The following BACH2 variants were observed in gnomAD, a reference collection of about 807,000 sequenced individuals.
BACH2 encodes BACH transcriptional regulator 2.
In BACH2, 5 loss-of-function variants were observed where a neutral mutation model predicts 61.8. The observed-to-expected ratio is 0.08, with a 90% CI of 0.04 to 0.17. BACH2 has a LOEUF of 0.17. BACH2 is among the 10% of genes least tolerant of loss of function. The probability of loss-of-function intolerance (pLI) is 1.00; values close to 1 mark genes in which losing one functional copy is unlikely to be tolerated. For missense variants in BACH2, 824 were observed against 1,091.1 expected (o/e 0.76, Z 3.45); for synonymous variants, 446 against 440.1 (o/e 1.01, Z -0.17).
chr6:90,105,685 A>G (rs970709241), intron 4 of BACH2, among the ~76,000 whole-genome samples: 2 of 152,222 alleles, frequency 1.3e-5, no homozygotes, highest in African/African-American at 2.4e-5. Context: ...ATTTAAAACT[A>G]TTTGATGTTG....
intron 2 of BACH2, among the ~76,000 whole-genome samples, chr6:90,270,770 T>C (rs1771492717): frequency 6.6e-6 from 1 of 151,854 alleles, no homozygotes; most frequent in East Asian, 1.9e-4. Flanking sequence ...ACATAGCCAA[T>C]AGAACAAAAG....
intron 4 of BACH2, among the ~76,000 whole-genome samples, chr6:90,204,147 C>T (rs138568266): frequency 8.0e-4 from 122 of 152,228 alleles, no homozygotes; most frequent in Non-Finnish European, 1.3e-3. Flanking sequence ...ACCCTCCATC[C>T]GAACACCTCC....
chr6:89,987,598 G>C (rs1431286434), intron 6 of BACH2, among the ~76,000 whole-genome samples: 1 of 152,132 alleles, frequency 6.6e-6, no homozygotes, highest in Non-Finnish European at 1.5e-5. Flanking sequence ...GATCATGAGT[G>C]AAATTTTAAG....
At chr6:90,224,160 G>A (rs920163009) in intron 3 of BACH2, among the ~76,000 whole-genome samples, 3 of 152,108 alleles carry the variant, frequency 2.0e-5, no homozygotes, top group Non-Finnish European at 4.4e-5. Flanking sequence ...CTAAAAGCTT[G>A]GAGAAAATGC....
intron 5 of BACH2, among the ~76,000 whole-genome samples, chr6:90,012,992 C>T (rs1777808749): frequency 6.6e-6 from 1 of 152,048 alleles, no homozygotes; most frequent in Non-Finnish European, 1.5e-5. Flanking sequence ...GTCTTTTATA[C>T]CTCTTTTGTC....
At chr6:90,024,720 T>C (rs1682046630) in intron 5 of BACH2, among the ~76,000 whole-genome samples, 1 of 152,052 alleles carries the variant, frequency 6.6e-6, no homozygotes, top group Non-Finnish European at 1.5e-5. Context: ...AAAAATGCCA[T>C]CACATAACTT....
intron 5 of BACH2, among the ~76,000 whole-genome samples, chr6:90,052,208 A>G (rs1400249861): frequency 2.0e-5 from 3 of 152,174 alleles, no homozygotes; most frequent in Non-Finnish European, 4.4e-5. Flanking sequence ...TACTGCTTCA[A>G]TGTTATATTT....
rs1282694656 is a variant in BACH2, at chr6:89,930,782, T to C, written c.*1626A>G. 6.6e-6 allele frequency: 1 copy of C among 152,450 alleles called. No homozygotes were observed. Among genetic ancestry groups the C allele is most frequent in the East Asian group, 1.9e-4 (1 of 5,318 alleles). The allele number at this position is 152,450 out of a possible 1,614,324, so 9.4% of individuals were successfully genotyped here. On this transcript the variant is annotated 3_prime_UTR_variant, in exon 9 of 9. Transcript: ENST00000257749. ...GACAGGGAGGGTTCCCGGTGATAGC[T>C]TGTCCAAAGCCTCAGAATGAAGTCT...
rs545453784 is a variant in BACH2 at position 90,067,546 on chromosome 6, C to T, written c.-13+21415G>A. ...CCCTTCCAGGGATTGGCCACAGCAACGGCAGGAGAGGGCATGTGAGAGAGG... is the reference window on the plus strand; with the variant it reads ...CCCTTCCAGGGATTGGCCACAGCAATGGCAGGAGAGGGCATGTGAGAGAGG... On this transcript the variant is annotated intron_variant, in intron 5 of 8. Coordinates refer to ENST00000257749, the MANE Select transcript of BACH2 (RefSeq NM_021813.4). Among the ~76,000 whole-genome samples, 67 of 152,168 alleles carry T rather than the reference C, an allele frequency of 4.4e-4. No homozygotes were observed. The South Asian group carries it at 0.013, about 29-fold the overall frequency.
intron 5 of BACH2, chr6:90,063,001 A>G (rs1347301923): frequency 2.3e-6 from 2 of 885,398 alleles, no homozygotes; most frequent in Non-Finnish European, 2.7e-6. Flanking sequence ...AACCAGATGT[A>G]TAGGGAAAAG....
intron 6 of BACH2, among the ~76,000 whole-genome samples, chr6:89,952,456 C>G (rs1354691958): frequency 1.3e-5 from 2 of 152,072 alleles, no homozygotes; most frequent in African/African-American, 2.4e-5. Flanking sequence ...ATCATGTCTA[C>G]CTGATCTTAT....
chr6:90,016,919 G>C (rs752679570), intron 5 of BACH2, among the ~76,000 whole-genome samples: 45 of 151,390 alleles, frequency 3.0e-4, no homozygotes, highest in Non-Finnish European at 5.3e-4. Context: ...TGTATGTAAT[G>C]TCTTTTCTTC....
In BACH2 at chr6:90,025,226, C is replaced by T. The variant is rs932930770; in HGVS notation, c.-12-16370G>A. On this transcript the variant is annotated intron_variant, in intron 5 of 8. Coordinates refer to ENST00000257749, the MANE Select transcript of BACH2 (RefSeq NM_021813.4). Reference sequence around the variant, plus strand: ...ACCAGGGAGAAAATGTGCAATTTAGCCATGGGCAGATTTGGATATGCAGCT... The same window carrying T: ...ACCAGGGAGAAAATGTGCAATTTAGTCATGGGCAGATTTGGATATGCAGCT... Among the ~76,000 whole-genome samples, 25 of 152,136 alleles carry T rather than the reference C, an allele frequency of 1.6e-4. 1 individual carries two copies. The highest frequency in any genetic ancestry group is 6.0e-4 in the African/African-American group (25 of 41,414).
At chr6:89,945,655 A>G (rs1056653226) in intron 7 of BACH2, among the ~76,000 whole-genome samples, 1 of 152,244 alleles carries the variant, frequency 6.6e-6, no homozygotes, top group African/African-American at 2.4e-5. Context: ...TTGTGGATAT[A>G]TCAACAACCA....
intron 3 of BACH2, among the ~76,000 whole-genome samples, chr6:90,223,860 T>C (rs1769823940): frequency 6.6e-6 from 1 of 152,192 alleles, no homozygotes; most frequent in Non-Finnish European, 1.5e-5. Context: ...AGAATCCTGA[T>C]ACTCCTAAAT....
intron 4 of BACH2, among the ~76,000 whole-genome samples, chr6:90,157,809 T>C (rs952879960): frequency 2.0e-5 from 3 of 152,156 alleles, no homozygotes; most frequent in Non-Finnish European, 4.4e-5. Context: ...CGATGGTCAT[T>C]TGAAAGGTAT....
intron 3 of BACH2, among the ~76,000 whole-genome samples, chr6:90,242,731 A>G (rs1770494219): frequency 6.6e-6 from 1 of 152,214 alleles, no homozygotes; most frequent in Non-Finnish European, 1.5e-5. Context: ...GTGTAACTTA[A>G]TATCTACACA....
intron 4 of BACH2, among the ~76,000 whole-genome samples, chr6:90,100,561 T>G (rs1782569004): frequency 6.6e-6 from 1 of 152,188 alleles, no homozygotes; most frequent in Non-Finnish European, 1.5e-5. Flanking sequence ...GGACTCTAAC[T>G]GCAACATCGA....
chr6:90,093,078 A>G (rs578101155), intron 4 of BACH2, among the ~76,000 whole-genome samples: 42 of 152,304 alleles, frequency 2.8e-4, no homozygotes, highest in African/African-American at 9.1e-4. Context: ...TCCTAAAGGA[A>G]TGGCCAGGGT....
Sources: allele counts gnomAD v4.1 joint callset (sites outside exome capture counted in the v4.1 genomes callset), GRCh38; gene constraint gnomAD v4.1.1; transcripts MANE v1.5; gene names NCBI Gene and HGNC (gene_info 2026-07-23, HGNC 2026-07-21).